The following LAMA2 variants were observed in gnomAD, a reference collection of about 807,000 sequenced individuals.
LAMA2 encodes the protein laminin subunit alpha-2.
Under a neutral mutation model 364.8 loss-of-function variants are expected in LAMA2, and 269 were observed. The observed-to-expected ratio is 0.74, with a 90% CI of 0.67 to 0.82. The LOEUF (loss-of-function observed/expected upper bound fraction) is 0.82. LAMA2 is among the 40% of genes least tolerant of loss of function. LAMA2 has a pLI of 0.00. For synonymous variants in LAMA2, 1,379 were observed against 1,370.6 expected (o/e 1.01, Z -0.14); for missense variants, 3,807 against 3,873.2 (o/e 0.98, Z 0.45).
intron 46 of LAMA2, among the ~76,000 whole-genome samples, chr6:129,453,464 A>C (rs1428752226): frequency 6.6e-6 from 1 of 152,158 alleles, no homozygotes; most frequent in East Asian, 1.9e-4. Flanking sequence ...TATTTATCTT[A>C]TTTACTGTTC....
chr6:129,381,805 T>G (rs374847532), intron 34 of LAMA2, among the ~76,000 whole-genome samples: 1 of 148,646 alleles, frequency 6.7e-6, no homozygotes, highest in Non-Finnish European at 1.5e-5. Context: ...CAGAAAAAAA[T>G]TTTAATTTTC....
At chr6:129,465,341 G>T in intron 51 of LAMA2, 52 bp downstream of exon 51, 1 of 1,428,960 alleles carries the variant, frequency 7.0e-7, no homozygotes. Context: ...GAAATCCAAA[G>T]TGCACATGTA....
At chr6:128,981,579 C>CAA (rs145266584) in intron 1 of LAMA2, among the ~76,000 whole-genome samples, 1,337 of 119,380 alleles carry the variant, frequency 0.011, 21 homozygotes, top group African/African-American at 0.042. Flanking sequence ...CCATCTCTAC[C>CAA]AAAAAAAAAA....
At chr6:129,050,979 A>G (rs1787959924) in intron 2 of LAMA2, among the ~76,000 whole-genome samples, 1 of 152,140 alleles carries the variant, frequency 6.6e-6, no homozygotes, top group African/African-American at 2.4e-5. Flanking sequence ...TAAATTACAC[A>G]TAACCCCTGA....
intron 12 of LAMA2, among the ~76,000 whole-genome samples, chr6:129,238,648 G>A (rs1234432111): frequency 1.3e-4 from 19 of 151,648 alleles, no homozygotes; most frequent in Admixed American, 1.2e-3. Flanking sequence ...GTGTTTAAAA[G>A]GAATATATAA....
At chr6:129,316,627 A>G (rs13203042) in intron 27 of LAMA2, among the ~76,000 whole-genome samples, 53,115 of 152,096 alleles carry the variant, frequency 0.35, 10,542 homozygotes, top group Non-Finnish European at 0.44. Flanking sequence ...CATTTTCCCT[A>G]TGCATCATGT....
At chr6:129,464,267 A>T (rs768382095) in intron 49 of LAMA2, 23 bp from the exon 50 acceptor site, 10 of 1,597,616 alleles carry the variant, frequency 6.3e-6, no homozygotes, top group Middle Eastern at 1.7e-4. Context: ...GATCTGATTC[A>T]TGTGAAATGT....
rs1844597 is a variant in LAMA2 at position 129,319,843 on chromosome 6, G to A, written c.4059-695G>A. ...GAGAAAAGAAAATGTTATTAAGAAA[G>A]TAATAAGGGCTGGGCTCAGTGGCTC... On this transcript the variant is annotated intron_variant, in intron 27 of 64. Coordinates refer to ENST00000421865, the MANE Select transcript of LAMA2 (RefSeq NM_000426.4). Among the ~76,000 whole-genome samples, 484 of 152,158 alleles carry A rather than the reference G, an allele frequency of 3.2e-3. 1 individual carries two copies. Among genetic ancestry groups the A allele is most frequent in the African/African-American group, 0.011 (442 of 41,536 alleles).
intron 1 of LAMA2, among the ~76,000 whole-genome samples, chr6:128,910,956 A>G (rs1777886529): frequency 6.6e-6 from 1 of 151,456 alleles, no homozygotes; most frequent in Admixed American, 6.6e-5. Context: ...CTCGGGGGTC[A>G]GGGGTCAGGG....
At chr6:129,104,844 A>G (rs932327615) in intron 4 of LAMA2, among the ~76,000 whole-genome samples, 2 of 152,206 alleles carry the variant, frequency 1.3e-5, no homozygotes, top group Non-Finnish European at 2.9e-5. Context: ...CTACCAAGAA[A>G]GAGCTTAACC....
At chr6:129,421,292 G>C (rs967742187) in intron 40 of LAMA2, among the ~76,000 whole-genome samples, 2 of 151,476 alleles carry the variant, frequency 1.3e-5, no homozygotes, top group African/African-American at 4.9e-5. Flanking sequence ...TGTTTTGCAT[G>C]ATATAGTTGA....
At chr6:129,495,171 A>G (rs891578553) in intron 58 of LAMA2, among the ~76,000 whole-genome samples, 2 of 152,214 alleles carry the variant, frequency 1.3e-5, no homozygotes, top group Admixed American at 6.5e-5. Context: ...CATCGGTTAC[A>G]TTAAGTTAAA....
At chr6:129,175,815 A>G (rs773498222) in intron 9 of LAMA2, among the ~76,000 whole-genome samples, 1 of 152,136 alleles carries the variant, frequency 6.6e-6, no homozygotes, top group Non-Finnish European at 1.5e-5. Flanking sequence ...TGTTCTGCAC[A>G]TGTATTCCAG....
At chr6:129,494,050 G>A (rs117214194) in intron 58 of LAMA2, among the ~76,000 whole-genome samples, 10 of 152,292 alleles carry the variant, frequency 6.6e-5, no homozygotes, top group Non-Finnish European at 1.5e-4. Flanking sequence ...ATATGTCTAA[G>A]GTTTTCAATA....
rs79830411 is a variant in LAMA2 at position 129,093,732 on chromosome 6, A to G, written c.397-4441A>G. On this transcript the variant is annotated intron_variant, in intron 3 of 64. Transcript: ENST00000421865. ...TAGGTGACATGCAAATGAGTAACAA[A>G]TGGAATATGAAATAGAAAGTTCCCT... Among the ~76,000 whole-genome samples the G allele has an allele frequency of 5.0e-3, 758 of 152,382 alleles. 9 individuals carry two copies. The highest frequency in any genetic ancestry group is 0.017 in the African/African-American group (716 of 41,592).
chr6:129,254,067 A>G (rs2114294725), intron 14 of LAMA2, among the ~76,000 whole-genome samples: 1 of 152,340 alleles, frequency 6.6e-6, no homozygotes, highest in African/African-American at 2.4e-5. Flanking sequence ...AGATTGAGTC[A>G]TATTTGTAAA....
chr6:129,481,855 C>T (rs1192176566), intron 55 of LAMA2, among the ~76,000 whole-genome samples: 2 of 152,144 alleles, frequency 1.3e-5, no homozygotes. Context: ...TTCCCAGTTG[C>T]ACAAGCTGAA....
intron 1 of LAMA2, among the ~76,000 whole-genome samples, chr6:129,017,737 T>G (rs1785168398): frequency 6.6e-6 from 1 of 152,082 alleles, no homozygotes; most frequent in Non-Finnish European, 1.5e-5. Flanking sequence ...GTTTTTTTCC[T>G]GTCTTCATAT....
At chr6:129,094,786 T>A (rs1391722518) in intron 3 of LAMA2, among the ~76,000 whole-genome samples, 1 of 152,248 alleles carries the variant, frequency 6.6e-6, no homozygotes, top group Non-Finnish European at 1.5e-5. Flanking sequence ...CAGTATTTTG[T>A]ATTCATTATC....
Sources: gnomAD v4.1 joint callset for allele counts (sites outside exome capture counted in the v4.1 genomes callset) on GRCh38, gnomAD v4.1.1 for gene constraint, MANE v1.5 for transcripts, NCBI Gene and HGNC (gene_info 2026-07-23, HGNC 2026-07-21) for gene names.